The following LINGO2 variants were observed in gnomAD, a reference collection of about 807,000 sequenced individuals.
The protein encoded by LINGO2 is leucine-rich repeat and immunoglobulin-like domain-containing nogo receptor-interacting protein 2.
Under a neutral mutation model 30.6 loss-of-function variants are expected in LINGO2, and 14 were observed. The ratio of observed to expected loss-of-function variants is 0.46; its 90% CI spans 0.30 to 0.72. The LOEUF (loss-of-function observed/expected upper bound fraction) is 0.72, where lower values mean the gene tolerates loss of function less well. Ranked by LOEUF, LINGO2 falls within the 30% of genes least tolerant of loss-of-function variation. LINGO2 has a pLI of 0.07. For missense variants in LINGO2, 729 were observed against 751.7 expected (o/e 0.97, Z 0.35); for synonymous variants, 317 against 288.5 (o/e 1.10, Z -1.00).
the LINGO2 span, among the ~76,000 whole-genome samples, chr9:28,778,104 A>C: frequency 6.6e-6 from 1 of 152,134 alleles, no homozygotes; most frequent in African/African-American, 2.4e-5. Context: ...TCCTTTACTG[A>C]ATGGTTGACT....
At chr9:28,379,504 C>T (rs1821259346) in intron 2 of LINGO2, among the ~76,000 whole-genome samples, 1 of 152,078 alleles carries the variant, frequency 6.6e-6, no homozygotes, top group South Asian at 2.1e-4. Context: ...ACTTGAGTTA[C>T]AAGTTAAATT....
At chr9:28,390,885 G>A (rs763940662) in intron 2 of LINGO2, among the ~76,000 whole-genome samples, 7 of 151,976 alleles carry the variant, frequency 4.6e-5, no homozygotes, top group African/African-American at 1.4e-4. Flanking sequence ...TTGAAAAAGC[G>A]TCTATCTCTT....
At chr9:28,563,328 T>G (rs1246168497) in intron 1 of LINGO2, among the ~76,000 whole-genome samples, 1 of 152,146 alleles carries the variant, frequency 6.6e-6, no homozygotes, top group Non-Finnish European at 1.5e-5. Context: ...AATCGGGTAC[T>G]TACAGAATTC....
chr9:28,207,583 C>T (rs1007954860), intron 4 of LINGO2, among the ~76,000 whole-genome samples: 3 of 151,978 alleles, frequency 2.0e-5, no homozygotes, highest in Non-Finnish European at 4.4e-5. Context: ...TATTCAATAA[C>T]AAAAATGTTC....
At chr9:27,959,544 C>CT (rs1819736752) in intron 5 of LINGO2, among the ~76,000 whole-genome samples, 1 of 152,104 alleles carries the variant, frequency 6.6e-6, no homozygotes, top group African/African-American at 2.4e-5. Context: ...ACAAAATTCC[C>CT]TTCTTTAGGA....
At chr9:29,059,702 G>A in the LINGO2 span, among the ~76,000 whole-genome samples, 1 of 151,882 alleles carries the variant, frequency 6.6e-6, no homozygotes, top group African/African-American at 2.4e-5. Context: ...AACCCACATC[G>A]TATGGAAAAT....
intron 1 of LINGO2, among the ~76,000 whole-genome samples, chr9:28,500,643 G>A (rs1333842799): frequency 6.6e-6 from 1 of 152,054 alleles, no homozygotes; most frequent in African/African-American, 2.4e-5. Flanking sequence ...GGCAGGAAGA[G>A]TATACGTCAA....
chr9:28,635,102 T>G (rs538721980), intron 1 of LINGO2, among the ~76,000 whole-genome samples: 1 of 152,300 alleles, frequency 6.6e-6, no homozygotes, highest in South Asian at 2.1e-4. Context: ...AGCTTCTTGA[T>G]GACATTTTGG....
chr9:28,072,032 C>A (rs1475822370), intron 4 of LINGO2, among the ~76,000 whole-genome samples: 1 of 152,126 alleles, frequency 6.6e-6, no homozygotes, highest in Non-Finnish European at 1.5e-5. Context: ...ATATACCAAT[C>A]CCATCTTCAT....
At chr9:28,345,973 C>G (rs926073127) in intron 3 of LINGO2, among the ~76,000 whole-genome samples, 2 of 152,132 alleles carry the variant, frequency 1.3e-5, no homozygotes, top group African/African-American at 4.8e-5. Flanking sequence ...TAAAAAATAA[C>G]TTTGCTAGAC....
At position 28,562,551 on chromosome 9, in the gene LINGO2, G is replaced by A. The variant is rs1016710831; in HGVS notation, c.-364-86526C>T. ...ATATGTTTCCTTCACAGAGTTATAG[G>A]AAAATAAATTTCTACAAAGCTTTCC... On this transcript the variant is annotated intron_variant, in intron 1 of 5. Transcript: ENST00000379992. 6.2e-4 allele frequency among the ~76,000 whole-genome samples: 93 copies of A among 151,126 alleles called. 1 individual carries two copies. Among genetic ancestry groups the A allele is most frequent in the Non-Finnish European group, 7.7e-4 (52 of 67,902 alleles).
At chr9:28,853,451 T>C in the LINGO2 span, among the ~76,000 whole-genome samples, 1 of 152,154 alleles carries the variant, frequency 6.6e-6, no homozygotes, top group Non-Finnish European at 1.5e-5. Flanking sequence ...TGGATTAGAA[T>C]GCATTGCAGT....
At chr9:28,800,983 G>C in the LINGO2 span, among the ~76,000 whole-genome samples, 6 of 152,052 alleles carry the variant, frequency 3.9e-5, no homozygotes, top group Admixed American at 6.6e-5. Flanking sequence ...GAGCAACATG[G>C]CATGATTGGC....
At chr9:28,654,069 C>A (rs73644093) in intron 1 of LINGO2, among the ~76,000 whole-genome samples, 2 of 151,962 alleles carry the variant, frequency 1.3e-5, no homozygotes, top group East Asian at 3.9e-4. Flanking sequence ...TATATAATGA[C>A]TTGTCTTCTT....
At chr9:27,971,482 A>G (rs1327022936) in intron 5 of LINGO2, among the ~76,000 whole-genome samples, 1 of 152,140 alleles carries the variant, frequency 6.6e-6, no homozygotes, top group African/African-American at 2.4e-5. Flanking sequence ...TGGCTGGTTC[A>G]AGCAATTCTT....
chr9:28,229,884 T>C (rs1293593813), intron 4 of LINGO2, among the ~76,000 whole-genome samples: 5 of 151,796 alleles, frequency 3.3e-5, no homozygotes, highest in Admixed American at 3.3e-4. Flanking sequence ...ATATGGAGTT[T>C]ATTGCAAAAT....
intron 3 of LINGO2, among the ~76,000 whole-genome samples, chr9:28,347,985 C>T (rs895945385): frequency 1.3e-5 from 2 of 152,168 alleles, no homozygotes; most frequent in Non-Finnish European, 2.9e-5. Flanking sequence ...AAGAATGTCA[C>T]TTATTTTCAA....
chr9:28,239,432 T>G (rs1389141312), intron 4 of LINGO2, among the ~76,000 whole-genome samples: 1 of 152,150 alleles, frequency 6.6e-6, no homozygotes, highest in African/African-American at 2.4e-5. Context: ...AAAAATATCA[T>G]TCATCATGAC....
intron 1 of LINGO2, among the ~76,000 whole-genome samples, chr9:28,664,045 A>G (rs1828694094): frequency 6.6e-6 from 1 of 152,194 alleles, no homozygotes; most frequent in South Asian, 2.1e-4. Context: ...GAAGTAAGAA[A>G]TTAAATATTT....
Sources: allele counts gnomAD v4.1 joint callset (sites outside exome capture counted in the v4.1 genomes callset), GRCh38; gene constraint gnomAD v4.1.1; transcripts MANE v1.5; gene names NCBI Gene and HGNC (gene_info 2026-07-23, HGNC 2026-07-21).